The following NNMT variants were observed in gnomAD, a reference collection of about 807,000 sequenced individuals.
The protein encoded by NNMT is nicotinamide N-methyltransferase.
A neutral mutation model predicts 11.7 loss-of-function variants in NNMT; 10 were observed. The observed-to-expected ratio is 0.85, with a 90% confidence interval of 0.53 to 1.45. The LOEUF (loss-of-function observed/expected upper bound fraction) is 1.45. Among genes scored for constraint, NNMT ranks in the 40% most tolerant of loss-of-function variants. NNMT has a pLI of 0.00. For synonymous variants in NNMT, 143 were observed against 133.8 expected (o/e 1.07, Z -0.48); for missense variants, 381 against 319.4 (o/e 1.19, Z -1.47).
At chr11:114,276,011 A>T (rs561889313) in intron 2 of NNMT, among the ~76,000 whole-genome samples, 2 of 152,130 alleles carry the variant, frequency 1.3e-5, no homozygotes, top group Non-Finnish European at 2.9e-5. Flanking sequence ...AAGCGACTCA[A>T]ATGTGCTTAC....
Position 114,296,610 on chromosome 11 carries a change from G to A in NNMT, c.54G>A (p.Arg18=). 6.2e-7 allele frequency: 1 copy of A among 1,613,888 alleles called. No homozygotes were observed. Among genetic ancestry groups the A allele is most frequent in the Non-Finnish European group, 8.5e-7 (1 of 1,180,000 alleles). ...CCTATCTAAGCCATTTTAACCCTCGGGATTACCTAGAAAAATATTACAAGT... is the reference window on the plus strand; with the variant it reads ...CCTATCTAAGCCATTTTAACCCTCGAGATTACCTAGAAAAATATTACAAGT... ...KDTYLSHFNP[R]DYLEKYYKFG... The change falls in exon 1 of 3, where the codon CGG becomes CGA. Residue 18 remains arginine (R), a synonymous_variant. Coordinates refer to ENST00000299964, the MANE Select transcript of NNMT (RefSeq NM_006169.3).
At position 114,312,229 on chromosome 11, in the gene NNMT, C is replaced by T. The variant is rs1245029455; in HGVS notation, c.547C>T (p.Leu183Phe). ...LPTYCRALRN[L>F]GSLLKPGGFL... is the part of the protein sequence containing the mutation. ...CACCTACTGCAGGGCGCTCAGGAAC[C>T]TCGGCAGCCTACTGAAGCCAGGGGG... The change falls in exon 3 of 3, where the codon CTC (leucine) becomes TTC (phenylalanine). Residue 183 changes from leucine to phenylalanine, a missense_variant. Coordinates refer to ENST00000299964, the MANE Select transcript of NNMT (RefSeq NM_006169.3). 1.2e-6 allele frequency: 2 copies of T among 1,614,138 alleles called. No homozygotes were observed. Among genetic ancestry groups the T allele is most frequent in the African/African-American group, 2.7e-5 (2 of 74,954 alleles).
intron 2 of NNMT, among the ~76,000 whole-genome samples, chr11:114,300,938 C>T (rs754785216): frequency 2.6e-5 from 4 of 152,106 alleles, no homozygotes; most frequent in Admixed American, 2.6e-4. Context: ...TTGTGTAATC[C>T]CCTTCCCTAG....
chr11:114,270,802 T>G (rs1480530674), intron 2 of NNMT, among the ~76,000 whole-genome samples: 1 of 151,980 alleles, frequency 6.6e-6, no homozygotes, highest in African/African-American at 2.4e-5. Flanking sequence ...TTTTTTTTTT[T>G]CTCGCTTTGT....
At chr11:114,288,541 A>G (rs1038490003) in intron 2 of NNMT, among the ~76,000 whole-genome samples, 1 of 151,952 alleles carries the variant, frequency 6.6e-6, no homozygotes, top group Non-Finnish European at 1.5e-5. Flanking sequence ...ATGTTAAATC[A>G]CTTTGTATTC....
upstream of NNMT, among the ~76,000 whole-genome samples, chr11:114,294,429 G>A (rs1023318717): frequency 7.0e-6 from 1 of 142,992 alleles, no homozygotes; most frequent in Non-Finnish European, 1.5e-5. Context: ...AGTGAGCTGA[G>A]ATCGCGTCAC....
intron 2 of NNMT, among the ~76,000 whole-genome samples, chr11:114,284,277 A>G (rs1237568707): frequency 6.6e-6 from 1 of 152,176 alleles, no homozygotes; most frequent in African/African-American, 2.4e-5. Context: ...GCTCTGCCAA[A>G]GGCCCTATCA....
chr11:114,265,495 C>T (rs954717572), intron 2 of NNMT, among the ~76,000 whole-genome samples: 2 of 152,188 alleles, frequency 1.3e-5, no homozygotes, highest in African/African-American at 4.8e-5. Flanking sequence ...TCTCCCCCAC[C>T]CTGATGTCTC....
chr11:114,307,223 C>A (rs1945500839), intron 2 of NNMT, among the ~76,000 whole-genome samples: 1 of 152,162 alleles, frequency 6.6e-6, no homozygotes, highest in South Asian at 2.1e-4. Flanking sequence ...CAGAGCACTT[C>A]AAACTCAGTG....
At chr11:114,296,938 G>A (rs1478967315) in intron 1 of NNMT, among the ~76,000 whole-genome samples, 2 of 152,228 alleles carry the variant, frequency 1.3e-5, no homozygotes, top group African/African-American at 2.4e-5. Flanking sequence ...GAGGACCGGA[G>A]TGCTGTCCTG....
intron 2 of NNMT, among the ~76,000 whole-genome samples, chr11:114,304,208 G>T (rs1472258578): frequency 6.6e-6 from 1 of 152,170 alleles, no homozygotes; most frequent in African/African-American, 2.4e-5. Context: ...TTCAGTCACT[G>T]TTAGACAACA....
At position 114,312,355 on chromosome 11, in the gene NNMT, G is replaced by C; in HGVS notation, c.673G>C (p.Val225Leu). 3 of 1,614,244 alleles carry C rather than the reference G, an allele frequency of 1.9e-6. No homozygotes were observed. Among genetic ancestry groups the C allele is most frequent in the Non-Finnish European group, 2.5e-6 (3 of 1,180,040 alleles). Residue 225 changes from valine (V) to leucine (L), a missense_variant, in exon 3 of 3, where the codon GTG becomes CTG. Physicochemically the swap from Val to Leu is conservative, Grantham distance 32. Coordinates refer to ENST00000299964, the MANE Select transcript of NNMT (RefSeq NM_006169.3). ...GGGCCGGGAGGCAGTAGAGGCTGCT[G>C]TGAAAGAGGCTGGCTACACAATCGA... ...PLGREAVEAA[V>L]KEAGYTIEWF...
At chr11:114,290,283 C>T (rs577858638) in intron 2 of NNMT, among the ~76,000 whole-genome samples, 2 of 152,284 alleles carry the variant, frequency 1.3e-5, no homozygotes, top group Admixed American at 1.3e-4. Context: ...TAATCCTCAA[C>T]CAAATATCTT....
At chr11:114,296,786 T>G in intron 1 of NNMT, 76 bp downstream of exon 1, 1 of 1,430,830 alleles carries the variant, frequency 7.0e-7, no homozygotes, top group South Asian at 1.2e-5. Flanking sequence ...CTGGGTTTTG[T>G]GTCTCTCGTT....
chr11:114,286,634 T>C (rs1425350698), intron 2 of NNMT, among the ~76,000 whole-genome samples: 1 of 152,242 alleles, frequency 6.6e-6, no homozygotes, highest in Non-Finnish European at 1.5e-5. Context: ...ATGCTGATGC[T>C]TGTAGTTCTA....
chr11:114,267,376 T>G (rs979870796), intron 2 of NNMT, among the ~76,000 whole-genome samples: 2 of 152,198 alleles, frequency 1.3e-5, no homozygotes, highest in Non-Finnish European at 2.9e-5. Flanking sequence ...TGTCCTAGTC[T>G]CCTGCATGTG....
rs572611984 is a variant in NNMT at position 114,312,529 on chromosome 11, G to A, written c.*52G>A. On this transcript the variant is annotated 3_prime_UTR_variant, in exon 3 of 3. Coordinates refer to ENST00000299964, the MANE Select transcript of NNMT (RefSeq NM_006169.3). ...CCTTTGACCTGTCCAGTTGACTTTA[G>A]TCCTTGTTTCTAACTGCCAAGTCAT... 3.9e-6 allele frequency: 6 copies of A among 1,548,110 alleles called. No individual in the cohort carries two copies. The highest frequency in any genetic ancestry group is 4.4e-6 in the Non-Finnish European group (5 of 1,141,264).
chr11:114,275,949 C>T (rs928973487), intron 2 of NNMT, among the ~76,000 whole-genome samples: 1 of 152,144 alleles, frequency 6.6e-6, no homozygotes, highest in African/African-American at 2.4e-5. Context: ...CCACTCTTTC[C>T]ATTTCCTTCT....
At chr11:114,306,653 G>C (rs1368904240) in intron 2 of NNMT, among the ~76,000 whole-genome samples, 1 of 152,098 alleles carries the variant, frequency 6.6e-6, no homozygotes, top group Non-Finnish European at 1.5e-5. Flanking sequence ...AAGATGAGAT[G>C]GTTGTAGATG....
Sources: allele counts gnomAD v4.1 joint callset (sites outside exome capture counted in the v4.1 genomes callset), GRCh38; gene constraint gnomAD v4.1.1; transcripts MANE v1.5; gene names NCBI Gene and HGNC (gene_info 2026-07-23, HGNC 2026-07-21).